Variants in EVA1C observed in about 807,000 individuals in gnomAD.
The protein encoded by EVA1C is protein eva-1 homolog C.
Under a neutral mutation model 45.4 loss-of-function variants are expected in EVA1C, and 25 were observed. That is an observed-to-expected ratio of 0.55 (90% CI 0.40 to 0.77). The LOEUF is 0.77. Among genes scored for constraint, EVA1C ranks in the 30% least tolerant of loss-of-function variants. EVA1C has a pLI of 0.00. For missense variants in EVA1C, 479 were observed against 554.8 expected (o/e 0.86, Z 1.37); for synonymous variants, 190 against 221.2 (o/e 0.86, Z 1.25).
In EVA1C at chr21:32,514,886, T is replaced by C. The variant is rs2038086445; in HGVS notation, c.1022T>C (p.Leu341Pro). 6.2e-7 allele frequency: 1 copy of C among 1,613,628 alleles called. No individual in the cohort carries two copies. Among genetic ancestry groups the C allele is most frequent in the South Asian group, 1.1e-5 (1 of 91,016 alleles). Residue 341 changes from leucine to proline, a missense_variant, in exon 8 of 8, where the codon CTG becomes CCG. Around this residue, in one of 3 missense-constraint regions of EVA1C, gnomAD observed 366 missense variants for 426.1 expected, o/e 0.86. Coordinates refer to ENST00000300255, the MANE Select transcript of EVA1C (RefSeq NM_058187.5). The stretch of plus-strand genomic sequence containing the variant: ...GGCCTGGCCCTCACACTGTGCGCCC[T>C]GGTCATCAGAGAGTCCTGTGCCAAG... ...CIGLALTLCA[L>P]VIRESCAKDF... is the part of the protein sequence containing the mutation.
At chr21:32,462,012 A>G (rs1203902949) in intron 3 of EVA1C, among the ~76,000 whole-genome samples, 1 of 152,240 alleles carries the variant, frequency 6.6e-6, no homozygotes, top group East Asian at 1.9e-4. Flanking sequence ...TGTTGTATGT[A>G]ACACGCTAGC....
intron 1 of EVA1C, among the ~76,000 whole-genome samples, chr21:32,448,079 T>C (rs1416001166): frequency 2.6e-5 from 4 of 152,122 alleles, no homozygotes; most frequent in Non-Finnish European, 5.9e-5. Flanking sequence ...TCAAAATGGT[T>C]CTTGATGGCC....
intron 3 of EVA1C, among the ~76,000 whole-genome samples, chr21:32,459,441 G>A (rs569067326): frequency 5.0e-4 from 76 of 152,272 alleles, no homozygotes; most frequent in Non-Finnish European, 9.1e-4. Context: ...TCTCACAGAC[G>A]ACTGTGTCAT....
At chr21:32,422,147 G>A (rs1332820441) in intron 1 of EVA1C, among the ~76,000 whole-genome samples, 1 of 151,560 alleles carries the variant, frequency 6.6e-6, no homozygotes, top group Non-Finnish European at 1.5e-5. Flanking sequence ...AGGTGTATTT[G>A]TAAAAGAATC....
intron 7 of EVA1C, among the ~76,000 whole-genome samples, chr21:32,504,556 C>T (rs2037661437): frequency 2.0e-5 from 3 of 152,272 alleles, no homozygotes; most frequent in South Asian, 2.1e-4. Flanking sequence ...CCGGCCACAC[C>T]GCGGGGACCT....
intron 7 of EVA1C, among the ~76,000 whole-genome samples, chr21:32,504,324 A>G (rs114323154): frequency 0.013 from 1,974 of 152,330 alleles, 49 homozygotes; most frequent in African/African-American, 0.045. Flanking sequence ...AAAATTCGGG[A>G]AGGAACTAGG....
intron 7 of EVA1C, among the ~76,000 whole-genome samples, chr21:32,508,795 G>A (rs749491661): frequency 2.4e-4 from 37 of 152,186 alleles, no homozygotes; most frequent in Non-Finnish European, 7.3e-5. Context: ...GAGCTGGAGC[G>A]TGCATTTGCC....
intron 3 of EVA1C, among the ~76,000 whole-genome samples, 174 bp downstream of exon 3, chr21:32,457,894 G>A (rs1328334112): frequency 2.6e-5 from 4 of 152,188 alleles, no homozygotes; most frequent in Non-Finnish European, 5.9e-5. Flanking sequence ...GAAAGACAGA[G>A]AAAGAAAGAG....
chr21:32,492,736 G>A (rs757342913), intron 4 of EVA1C, among the ~76,000 whole-genome samples: 6 of 150,604 alleles, frequency 4.0e-5, no homozygotes, highest in Admixed American at 2.7e-4. Flanking sequence ...CTTTATGATC[G>A]TGTCCTTCAA....
At position 32,501,404 on chromosome 21, in the gene EVA1C, T is replaced by C; in HGVS notation, c.779-11T>C. The C allele has an allele frequency of 6.3e-7, 1 of 1,583,872 alleles. No individual in the cohort carries two copies. The highest frequency in any genetic ancestry group is 2.2e-5 in the East Asian group (1 of 44,814). ...ACCACGAATTTAAAATATTTCTTTTTTGGCTTTTAGTTCCCAAGAACATAC... is the reference window on the plus strand; with the variant it reads ...ACCACGAATTTAAAATATTTCTTTTCTGGCTTTTAGTTCCCAAGAACATAC... On this transcript the variant is annotated splice_polypyrimidine_tract_variant and intron_variant, in intron 5 of 7. Transcript: ENST00000300255.
intron 4 of EVA1C, among the ~76,000 whole-genome samples, chr21:32,481,401 CT>C (rs5843555): frequency 0.16 from 21,631 of 132,890 alleles, 1,569 homozygotes; most frequent in East Asian, 0.25. Flanking sequence ...GAAACAGAAC[CT>C]TTTTTTTTTT....
At chr21:32,432,863 G>T (rs1452917953) in intron 1 of EVA1C, among the ~76,000 whole-genome samples, 1 of 151,856 alleles carries the variant, frequency 6.6e-6, no homozygotes, top group African/African-American at 2.4e-5. Flanking sequence ...TGGGACTACA[G>T]GTGTGCACCA....
At position 32,452,433 on chromosome 21, in the gene EVA1C, G is replaced by C. The variant is rs1362311451; in HGVS notation, c.161-879G>C. ...GGCATGCAGATGGACAGGTCGTGGGGAGCGTTTTTGGGCTCCGACCCCACA... is the reference window on the plus strand; with the variant it reads ...GGCATGCAGATGGACAGGTCGTGGGCAGCGTTTTTGGGCTCCGACCCCACA... On this transcript the variant is annotated intron_variant, in intron 1 of 7. Coordinates refer to ENST00000300255, the MANE Select transcript of EVA1C (RefSeq NM_058187.5). The surrounding 1 kb of genome is among the most constrained non-coding windows in gnomAD (Gnocchi z 4.0). 1 of 152,258 alleles carries C rather than the reference G, an allele frequency of 6.6e-6. No individual in the cohort carries two copies. Among genetic ancestry groups the C allele is most frequent in the African/African-American group, 2.4e-5 (1 of 41,466 alleles). The allele number at this position is 152,258 out of a possible 1,614,324, so 9.4% of individuals were successfully genotyped here.
At chr21:32,414,212 C>T (rs531684684) in intron 1 of EVA1C, among the ~76,000 whole-genome samples, 1 of 152,292 alleles carries the variant, frequency 6.6e-6, no homozygotes, top group African/African-American at 2.4e-5. Flanking sequence ...TTTGGCAAGC[C>T]ACCCACGGCC....
At chr21:32,423,236 T>C (rs1601208722) in intron 1 of EVA1C, among the ~76,000 whole-genome samples, 1 of 152,138 alleles carries the variant, frequency 6.6e-6, no homozygotes, top group East Asian at 1.9e-4. Flanking sequence ...GCAAAAGTCA[T>C]GAGACACTTT....
At chr21:32,417,921 C>G (rs1167374023) in intron 1 of EVA1C, among the ~76,000 whole-genome samples, 1 of 152,142 alleles carries the variant, frequency 6.6e-6, no homozygotes, top group Non-Finnish European at 1.5e-5. Flanking sequence ...CCAGGCAATT[C>G]TAATATGCAG....
intron 1 of EVA1C, among the ~76,000 whole-genome samples, chr21:32,433,744 G>A (rs2034807921): frequency 1.3e-5 from 2 of 152,010 alleles, no homozygotes; most frequent in South Asian, 4.2e-4. Flanking sequence ...AAGACTTCTT[G>A]GAGTCCTGAC....
At chr21:32,510,144 G>A (rs1229905528) in intron 7 of EVA1C, among the ~76,000 whole-genome samples, 1 of 150,592 alleles carries the variant, frequency 6.6e-6, no homozygotes, top group Non-Finnish European at 1.5e-5. Flanking sequence ...CACCTCCCAG[G>A]TTCAAGCCAT....
intron 4 of EVA1C, among the ~76,000 whole-genome samples, chr21:32,488,315 C>T (rs1401409151): frequency 1.3e-5 from 2 of 152,012 alleles, no homozygotes; most frequent in African/African-American, 4.8e-5. Context: ...AGGTCTATAC[C>T]CAGAAGAGGG....
Sources: gnomAD v4.1 joint callset for allele counts (sites outside exome capture counted in the v4.1 genomes callset) on GRCh38, gnomAD v4.1.1 for gene constraint, gnomAD v4.1.1 regional missense constraint, Gnocchi (gnomAD v3.1) non-coding constraint, MANE v1.5 for transcripts, NCBI Gene and HGNC (gene_info 2026-07-23, HGNC 2026-07-21) for gene names.